ECE1: variants seen among roughly 807,000 people sequenced by gnomAD.
ECE1 encodes the protein endothelin-converting enzyme 1.
Under a neutral mutation model 98.6 loss-of-function variants are expected in ECE1, and 35 were observed. The observed-to-expected ratio is 0.35, with a 90% confidence interval of 0.27 to 0.47. ECE1 has a LOEUF of 0.47. Ranked by LOEUF, ECE1 falls within the 20% of genes least tolerant of loss-of-function variation. The probability of loss-of-function intolerance (pLI) is 1.00; values close to 1 mark genes in which losing one functional copy is unlikely to be tolerated. For missense variants in ECE1, 814 were observed against 1,025.3 expected (o/e 0.79, Z 2.81); for synonymous variants, 394 against 407.1 (o/e 0.97, Z 0.39).
In ECE1 at chr1:21,279,204, G is replaced by C; in HGVS notation, c.267C>G (p.Ile89Met). 2.5e-6 allele frequency: 4 copies of C among 1,614,156 alleles called. No individual in the cohort carries two copies. Among genetic ancestry groups the C allele is most frequent in the Non-Finnish European group, 3.4e-6 (4 of 1,180,026 alleles). The change falls in exon 3 of 19, where the codon ATC becomes ATG. Residue 89 changes from isoleucine (I) to methionine (M), a missense_variant. By Grantham distance (10) the Ile-to-Met change is conservative (BLOSUM62 1). Coordinates refer to ENST00000374893, the MANE Select transcript of ECE1 (RefSeq NM_001397.3). ...GAAGGCACCTACTTGTCTGGTACTG[G>C]ATGCCCAGTGCTGCCAAGCAGGCCA... is the stretch of plus-strand genomic sequence containing the variant. ...GLVACLAALG[I>M]QYQTRSPSVC...
intron 1 of ECE1, among the ~76,000 whole-genome samples, chr1:21,306,782 G>C (rs1409158680): frequency 6.6e-6 from 1 of 152,168 alleles, no homozygotes; most frequent in Non-Finnish European, 1.5e-5. Flanking sequence ...TCACTGCAGA[G>C]AGCGATGAGT....
rs192655133 is a variant in ECE1 at position 21,301,487 on chromosome 1, C to T, written c.4-11331G>A. Reference sequence around the variant, plus strand: ...TCCAGCCTGGGCGACAGCGAGACTCCGTCTCAAAAAACAAACAAACAAACA... The same window carrying T: ...TCCAGCCTGGGCGACAGCGAGACTCTGTCTCAAAAAACAAACAAACAAACA... On this transcript the variant is annotated intron_variant, in intron 1 of 18. Transcript: ENST00000415912. Among the ~76,000 whole-genome samples the T allele has an allele frequency of 4.5e-3, 672 of 149,158 alleles. 4 individuals carry two copies. Among genetic ancestry groups the T allele is most frequent in the Non-Finnish European group, 5.5e-3 (372 of 67,290 alleles).
chr1:21,260,421 T>C lies in ECE1; in HGVS notation c.494-29A>G. 5 of 1,614,094 alleles carry C rather than the reference T, an allele frequency of 3.1e-6. No individual in the cohort carries two copies. Among genetic ancestry groups the C allele is most frequent in the South Asian group, 1.1e-5 (1 of 91,088 alleles). ...GAACAACAGACAGTGGAGTTTGCAATGCGGCCCCACTTGCCCACTGGGTGG... is the reference window on the plus strand; with the variant it reads ...GAACAACAGACAGTGGAGTTTGCAACGCGGCCCCACTTGCCCACTGGGTGG... On this transcript the variant is annotated intron_variant, in intron 4 of 18. Coordinates refer to ENST00000374893, the MANE Select transcript of ECE1 (RefSeq NM_001397.3). The surrounding 1 kb of genome is among the most constrained non-coding windows in gnomAD (Gnocchi z 4.3).
Position 21,235,819 on chromosome 1 carries a change from A to T in ECE1, c.1566+31T>A. 1 of 1,612,040 alleles carries T rather than the reference A, an allele frequency of 6.2e-7. No homozygotes were observed. The highest frequency in any genetic ancestry group is 8.5e-7 in the Non-Finnish European group (1 of 1,178,078). On this transcript the variant is annotated intron_variant, in intron 13 of 18. Coordinates refer to ENST00000374893, the MANE Select transcript of ECE1 (RefSeq NM_001397.3). The surrounding 1 kb of genome is among the most constrained non-coding windows in gnomAD (Gnocchi z 4.2). ...GCCCTTTTCTAAGGGGGCATTTAGGAACGCAAGGGGGCAGGGCAGCAGCTA... is the reference window on the plus strand; with the variant it reads ...GCCCTTTTCTAAGGGGGCATTTAGGTACGCAAGGGGGCAGGGCAGCAGCTA...
rs1223419250 is a variant in ECE1 at position 21,309,782 on chromosome 1, C to CTT, written c.4-19628_4-19627dup. On this transcript the variant is annotated intron_variant, in intron 1 of 18. Coordinates refer to the ECE1 transcript ENST00000415912. ...AGCTGGATTTTCTTTTTTTTTCTTT[C>CTT]TTTTTTTTTTTTTTTTTGAGACGTT... Among the ~76,000 whole-genome samples, 138 of 130,112 alleles carry CTT rather than the reference C, an allele frequency of 1.1e-3. 2 individuals carry two copies. The highest frequency in any genetic ancestry group is 4.2e-3 in the Middle Eastern group (1 of 236). The allele number at this position is 130,112 out of a possible 152,430, so 85.4% of individuals were successfully genotyped here.
At chr1:21,245,505 G>T (rs1187727657) in intron 9 of ECE1, among the ~76,000 whole-genome samples, 1 of 152,172 alleles carries the variant, frequency 6.6e-6, no homozygotes, top group Non-Finnish European at 1.5e-5. Context: ...GGCCAGAGAG[G>T]CTAAGAATAG....
Position 21,327,959 on chromosome 1 carries a change from C to A in ECE1, c.3+17417G>T, listed in dbSNP as rs1235773767. Among the ~76,000 whole-genome samples, 1 of 152,188 alleles carries A rather than the reference C, an allele frequency of 6.6e-6. No homozygotes were observed. The highest frequency in any genetic ancestry group is 2.4e-5 in the African/African-American group (1 of 41,446). The stretch of plus-strand genomic sequence containing the variant: ...TGAGAATCTAACTAAGGTGATGAAT[C>A]TAACTAACATGAACTGAGGTGGAAC... On this transcript the variant is annotated intron_variant, in intron 1 of 18. Transcript: ENST00000415912. This position sits in a 1 kb window ranked among gnomAD's most constrained non-coding sequence, Gnocchi z 4.6.
rs1638984919 is a variant in ECE1, at chr1:21,322,445, T to C, written c.3+22931A>G. Among the ~76,000 whole-genome samples the C allele has an allele frequency of 6.6e-6, 1 of 152,092 alleles. No individual in the cohort carries two copies. Among genetic ancestry groups the C allele is most frequent in the African/African-American group, 2.4e-5 (1 of 41,422 alleles). ...CAGTTGCCATGGAAACACCAGTGGGTTCTTTGGGGGCAGGAGAGCAACCAG... is the reference window on the plus strand; with the variant it reads ...CAGTTGCCATGGAAACACCAGTGGGCTCTTTGGGGGCAGGAGAGCAACCAG... On this transcript the variant is annotated intron_variant, in intron 1 of 18. Transcript: ENST00000415912. The surrounding 1 kb of genome is among the most constrained non-coding windows in gnomAD (Gnocchi z 4.1).
chr1:21,236,092 C>G (rs1032481751), intron 12 of ECE1, among the ~76,000 whole-genome samples, 165 bp from the exon 13 acceptor site: 10 of 152,248 alleles, frequency 6.6e-5, no homozygotes, highest in African/African-American at 2.4e-4. Flanking sequence ...CCTTGCAAAA[C>G]TTCTACTTAT....
At chr1:21,227,134 C>T (rs775140444) in intron 16 of ECE1, 25 bp downstream of exon 16, 29 of 1,611,974 alleles carry the variant, frequency 1.8e-5, no homozygotes, top group Non-Finnish European at 2.4e-5. Context: ...AGGCATGAGC[C>T]ATCGTGCCCA....
chr1:21,270,428 T>C (rs1308194999), intron 4 of ECE1, among the ~76,000 whole-genome samples: 1 of 152,194 alleles, frequency 6.6e-6, no homozygotes, highest in Non-Finnish European at 1.5e-5. Context: ...CCCTTGTACC[T>C]GAAGGAGGTG....
At chr1:21,268,925 G>T (rs2098237161) in intron 4 of ECE1, among the ~76,000 whole-genome samples, 1 of 152,262 alleles carries the variant, frequency 6.6e-6, no homozygotes, top group South Asian at 2.1e-4. Context: ...CTAGTTCCGA[G>T]GACTGAGCCT....
Position 21,279,788 on chromosome 1 carries a change from C to T in ECE1, c.139-456G>A, listed in dbSNP as rs146605575. ...TTCCCAGAAGCACAGACATCCTTAG[C>T]TCATTAAACCCTCATAATCCCACGC... On this transcript the variant is annotated intron_variant, in intron 2 of 18. Coordinates refer to ENST00000374893, the MANE Select transcript of ECE1 (RefSeq NM_001397.3). The T allele has an allele frequency of 7.8e-6, 8 of 1,024,504 alleles. No individual in the cohort carries two copies. In the East Asian group the frequency reaches 3.6e-4, roughly 46 times the overall value. The allele number at this position is 1,024,504 out of a possible 1,614,324, so 63.5% of individuals were successfully genotyped here.
At chr1:21,282,415 C>T (rs997951208) in intron 2 of ECE1, among the ~76,000 whole-genome samples, 1 of 149,888 alleles carries the variant, frequency 6.7e-6, no homozygotes, top group African/African-American at 2.5e-5. Flanking sequence ...TGGTGAAACC[C>T]TGTCTCTACT....
Position 21,257,510 on chromosome 1 carries a change from G to A in ECE1, c.828+15C>T. 1 of 1,614,098 alleles carries A rather than the reference G, an allele frequency of 6.2e-7. No homozygotes were observed. Among genetic ancestry groups the A allele is most frequent in the Non-Finnish European group, 8.5e-7 (1 of 1,179,962 alleles). ...CGTGCTGGGAGGCAGGCTGGGAGGGGAGAGGCACGCTTACCTTCTCGTTTT... is the reference window on the plus strand; with the variant it reads ...CGTGCTGGGAGGCAGGCTGGGAGGGAAGAGGCACGCTTACCTTCTCGTTTT... On this transcript the variant is annotated intron_variant, in intron 7 of 18. Coordinates refer to ENST00000374893, the MANE Select transcript of ECE1 (RefSeq NM_001397.3).
chr1:21,312,480 G>T (rs1442396311), intron 1 of ECE1, among the ~76,000 whole-genome samples: 1 of 152,012 alleles, frequency 6.6e-6, no homozygotes, highest in Admixed American at 6.6e-5. Flanking sequence ...GCCTGGTGTG[G>T]TGGCACACAC....
rs965357872 is a variant in ECE1 at position 21,340,165 on chromosome 1, C to T, written c.3+5211G>A. ...CCAGGTTGGCACATAGCATTTTCTA[C>T]CTTATTTCAGAGCGATCTGGGAACT... is the stretch of plus-strand genomic sequence containing the variant. On this transcript the variant is annotated intron_variant, in intron 1 of 18. Transcript: ENST00000415912. The surrounding 1 kb of genome is among the most constrained non-coding windows in gnomAD (Gnocchi z 4.6). Among the ~76,000 whole-genome samples, 1 of 152,234 alleles carries T rather than the reference C, an allele frequency of 6.6e-6. No individual in the cohort carries two copies. The highest frequency in any genetic ancestry group is 1.9e-4 in the East Asian group (1 of 5,196).
chr1:21,296,935 A>C (rs1638368640), intron 1 of ECE1, among the ~76,000 whole-genome samples: 1 of 152,170 alleles, frequency 6.6e-6, no homozygotes. Flanking sequence ...AGGGGAAGGC[A>C]GCAGGTGGGC....
At chr1:21,330,601 T>A (rs1235055248) in intron 1 of ECE1, among the ~76,000 whole-genome samples, 1 of 152,174 alleles carries the variant, frequency 6.6e-6, no homozygotes, top group African/African-American at 2.4e-5. Context: ...TGGGAGCTCC[T>A]GGAAGGCACA....
Sources: gnomAD v4.1 joint callset for allele counts (sites outside exome capture counted in the v4.1 genomes callset) on GRCh38, gnomAD v4.1.1 for gene constraint, Gnocchi (gnomAD v3.1) non-coding constraint, MANE v1.5 for transcripts, NCBI Gene and HGNC (gene_info 2026-07-23, HGNC 2026-07-21) for gene names.